Variants in ZDHHC14 observed in about 807,000 individuals in gnomAD.
ZDHHC14 encodes palmitoyltransferase ZDHHC14.
In ZDHHC14, 16 loss-of-function variants were observed where a neutral mutation model predicts 47.7. The ratio of observed to expected loss-of-function variants is 0.34; its 90% CI spans 0.23 to 0.51. The LOEUF is 0.51. ZDHHC14 is among the 20% of genes least tolerant of loss of function. ZDHHC14 has a pLI of 0.97. For synonymous variants in ZDHHC14, 293 were observed against 278.9 expected, an observed-to-expected ratio of 1.05 and a Z score of -0.50; for missense variants, 515 against 662.5, an observed-to-expected ratio of 0.78 and a Z score of 2.44.
intron 4 of ZDHHC14, chr6:157,630,272 A>C (rs1374432900): frequency 6.6e-6 from 1 of 152,158 alleles, no homozygotes. Context: ...GAGCCACCCC[A>C]CCCGGCCTAG....
At chr6:157,532,895 C>T (rs1013993039) in intron 1 of ZDHHC14, among the ~76,000 whole-genome samples, 27 of 152,140 alleles carry the variant, frequency 1.8e-4, no homozygotes, top group Admixed American at 6.5e-5. Context: ...TTTAATATTT[C>T]GGCAATTATC....
chr6:157,594,719 T>C (rs1350259437), intron 3 of ZDHHC14, among the ~76,000 whole-genome samples: 1 of 152,236 alleles, frequency 6.6e-6, no homozygotes, highest in Non-Finnish European at 1.5e-5. Flanking sequence ...CCAGGGTTTC[T>C]ACAAGGTTTC....
chr6:157,429,437 G>A (rs974481870), intron 1 of ZDHHC14, among the ~76,000 whole-genome samples: 1 of 152,166 alleles, frequency 6.6e-6, no homozygotes, highest in Non-Finnish European at 1.5e-5. Context: ...TGCCCTAGAT[G>A]GATGGTAAGT....
At chr6:157,494,655 T>G (rs733207) in intron 1 of ZDHHC14, among the ~76,000 whole-genome samples, 43,286 of 152,138 alleles carry the variant, frequency 0.28, 7,181 homozygotes, top group African/African-American at 0.46. Flanking sequence ...ACCCATTCTT[T>G]TAAAATCTTT....
chr6:157,407,451 A>G (rs1160120051), intron 1 of ZDHHC14, among the ~76,000 whole-genome samples: 1 of 152,210 alleles, frequency 6.6e-6, no homozygotes, highest in Non-Finnish European at 1.5e-5. Context: ...TGTTAAGCCA[A>G]GATTTACTGG....
At chr6:157,524,522 C>A (rs1017932249) in intron 1 of ZDHHC14, among the ~76,000 whole-genome samples, 1 of 152,162 alleles carries the variant, frequency 6.6e-6, no homozygotes, top group Admixed American at 6.5e-5. Flanking sequence ...TACATATACA[C>A]GTTTTCTCTT....
chr6:157,522,991 CTTTTCTTTTCTTTTCTTTTTCTT>C (rs1272501317), intron 1 of ZDHHC14, among the ~76,000 whole-genome samples: 207 of 101,366 alleles, frequency 2.0e-3, no homozygotes, highest in Non-Finnish European at 2.9e-3. Flanking sequence ...TTTTTCTTTT[CTTTTCTTTTCTTTTCTTTTTCTT>C]TTCTTTCCCT....
At chr6:157,640,617 A>G (rs601117) in intron 5 of ZDHHC14, among the ~76,000 whole-genome samples, 113,811 of 152,080 alleles carry the variant, frequency 0.75, 43,093 homozygotes, top group African/African-American at 0.86. Context: ...AGGGGTGTCC[A>G]GAGCTGGAGC....
At chr6:157,504,706 C>T (rs1388541898) in intron 1 of ZDHHC14, among the ~76,000 whole-genome samples, 8 of 150,762 alleles carry the variant, frequency 5.3e-5, no homozygotes, top group South Asian at 4.2e-4. Flanking sequence ...CCACCGCGCC[C>T]GGCCTGCATG....
intron 1 of ZDHHC14, among the ~76,000 whole-genome samples, chr6:157,513,554 A>C (rs993284521): frequency 2.6e-5 from 4 of 152,122 alleles, no homozygotes; most frequent in Admixed American, 1.3e-4. Flanking sequence ...ACACAGACTC[A>C]TGGCTGTTTT....
chr6:157,407,776 G>T (rs1019908916), intron 1 of ZDHHC14, among the ~76,000 whole-genome samples: 11 of 152,140 alleles, frequency 7.2e-5, no homozygotes, highest in Non-Finnish European at 1.3e-4. Context: ...CTTCTTGTTG[G>T]CCTGTCCTCA....
chr6:157,400,168 G>T, intron 1 of ZDHHC14, among the ~76,000 whole-genome samples: 1 of 152,116 alleles, frequency 6.6e-6, no homozygotes, highest in East Asian at 1.9e-4. Context: ...GTCCACGCTT[G>T]GGCAGCTCAG....
chr6:157,452,766 G>A lies in ZDHHC14; in HGVS notation c.245+70500G>A, dbSNP rs556157103. On this transcript the variant is annotated intron_variant, in intron 1 of 8. Transcript: ENST00000359775. ...CACCCAGGCTGGAGTGCAGTGGTGCGATCTCGGCTCACTGCAAGCTCCGCC... is the reference window on the plus strand; with the variant it reads ...CACCCAGGCTGGAGTGCAGTGGTGCAATCTCGGCTCACTGCAAGCTCCGCC... Among the ~76,000 whole-genome samples, 24 of 129,524 alleles carry A rather than the reference G, an allele frequency of 1.9e-4. No homozygotes were observed. In the South Asian group the frequency reaches 5.8e-3, roughly 31 times the overall value. The allele number at this position is 129,524 out of a possible 152,430, so 85.0% of individuals were successfully genotyped here.
rs374776974 is a variant in ZDHHC14 at position 157,447,336 on chromosome 6, C to T, written c.245+65070C>T. Among the ~76,000 whole-genome samples, 8 of 152,186 alleles carry T rather than the reference C, an allele frequency of 5.3e-5. No individual in the cohort carries two copies. The East Asian group carries it at 7.7e-4, about 15-fold the overall frequency. On this transcript the variant is annotated intron_variant, in intron 1 of 8. Transcript: ENST00000359775. ...GTCCAAGGGTCAAGTGGGGGCACCT[C>T]CTACTTTCTATGGGCCATGCTCTGG...
chr6:157,464,881 G>A (rs1206413700), intron 1 of ZDHHC14, among the ~76,000 whole-genome samples: 1 of 152,172 alleles, frequency 6.6e-6, no homozygotes, highest in Non-Finnish European at 1.5e-5. Flanking sequence ...TGTGACCAGA[G>A]CAGCTCAGGG....
At chr6:157,406,996 C>T (rs1025557400) in intron 1 of ZDHHC14, among the ~76,000 whole-genome samples, 33 of 152,162 alleles carry the variant, frequency 2.2e-4, no homozygotes, top group African/African-American at 7.7e-4. Flanking sequence ...TTAGCATTGC[C>T]GTTCTCAACC....
At chr6:157,541,691 C>T (rs1234577241) in intron 1 of ZDHHC14, among the ~76,000 whole-genome samples, 1 of 152,214 alleles carries the variant, frequency 6.6e-6, no homozygotes, top group Non-Finnish European at 1.5e-5. Flanking sequence ...TCACTTAGGT[C>T]CAGGCATCTG....
intron 3 of ZDHHC14, 110 bp downstream of exon 3, chr6:157,593,256 A>G: frequency 1.5e-6 from 2 of 1,366,428 alleles, no homozygotes; most frequent in Admixed American, 2.4e-5. Context: ...ATTTCAGCGC[A>G]TTTGCATGTT....
At chr6:157,559,525 C>A (rs541175123) in intron 2 of ZDHHC14, among the ~76,000 whole-genome samples, 2 of 152,342 alleles carry the variant, frequency 1.3e-5, no homozygotes, top group South Asian at 4.1e-4. Flanking sequence ...GCTGGAACTG[C>A]CCTCAGGTCT....
Sources: allele counts gnomAD v4.1 joint callset (sites outside exome capture counted in the v4.1 genomes callset), GRCh38; gene constraint gnomAD v4.1.1; transcripts MANE v1.5; gene names NCBI Gene and HGNC (gene_info 2026-07-23, HGNC 2026-07-21).